SBF2: variants seen among roughly 807,000 people sequenced by gnomAD.
SBF2 encodes SET binding factor 2, also known as myotubularin-related protein 13.
In SBF2, 112 loss-of-function variants were observed where a neutral mutation model predicts 225.2. That is an observed-to-expected ratio of 0.50 (90% CI 0.43 to 0.58). The LOEUF is 0.58. Among genes scored for constraint, SBF2 ranks in the 20% least tolerant of loss-of-function variants. The probability of loss-of-function intolerance (pLI) is 0.00; values close to 1 mark genes in which losing one functional copy is unlikely to be tolerated. For missense variants in SBF2, 1,996 were observed against 2,206.2 expected, an observed-to-expected ratio of 0.90 and a Z score of 1.91; for synonymous variants, 763 against 773.3, an observed-to-expected ratio of 0.99 and a Z score of 0.22.
In SBF2 at chr11:10,075,190, A is replaced by AT. The variant is rs1174223981; in HGVS notation, c.142-32210dup. On this transcript the variant is annotated intron_variant, in intron 2 of 39. Transcript: ENST00000256190. ...GATCTGACTCTTAACTTAGGTTATA[A>AT]TTTTGGTAAATTACCTAATTTCTCT... is the stretch of plus-strand genomic sequence containing the variant. Among the ~76,000 whole-genome samples the AT allele has an allele frequency of 5.9e-5, 9 of 152,350 alleles. No homozygotes were observed. In the East Asian group the frequency reaches 1.7e-3, roughly 29 times the overall value.
At chr11:10,240,470 T>G (rs1959193199) in intron 1 of SBF2, among the ~76,000 whole-genome samples, 1 of 152,152 alleles carries the variant, frequency 6.6e-6, no homozygotes, top group South Asian at 2.1e-4. Context: ...CATCATGGAC[T>G]AAGAAATCAG....
chr11:10,029,104 G>C (rs1170258503), intron 5 of SBF2, among the ~76,000 whole-genome samples: 2 of 152,050 alleles, frequency 1.3e-5, no homozygotes, highest in Non-Finnish European at 2.9e-5. Flanking sequence ...ATTTTTAGAA[G>C]GCTGTCCTCT....
intron 4 of SBF2, 90 bp from the exon 5 acceptor site, chr11:10,029,965 G>T: frequency 1.1e-6 from 1 of 887,536 alleles, no homozygotes. Flanking sequence ...ATTTCTCTTT[G>T]AACCCAGTAA....
At chr11:9,982,317 G>A (rs529594985) in intron 13 of SBF2, among the ~76,000 whole-genome samples, 2 of 152,156 alleles carry the variant, frequency 1.3e-5, no homozygotes, top group Non-Finnish European at 2.9e-5. Context: ...TCTTACAAGA[G>A]ACCCAAATGA....
chr11:10,230,157 G>A (rs761390362), intron 1 of SBF2, among the ~76,000 whole-genome samples: 16 of 151,636 alleles, frequency 1.1e-4, no homozygotes, highest in Middle Eastern at 3.4e-3. Flanking sequence ...TTTGTTTTCC[G>A]TTTGCTTGGT....
chr11:10,225,514 T>G (rs1958505595), intron 1 of SBF2, among the ~76,000 whole-genome samples: 4 of 152,088 alleles, frequency 2.6e-5, no homozygotes, highest in Admixed American at 2.6e-4. Context: ...TCATAGAGGT[T>G]GTATTTGTGC....
At position 9,816,887 on chromosome 11, in the gene SBF2, T is replaced by C. The variant is rs200167746; in HGVS notation, c.3931A>G (p.Lys1311Glu). ...NSSYLQNQLLKRQAALYIFGE... is the reference protein window; with the variant it reads ...NSSYLQNQLLERQAALYIFGE... The stretch of plus-strand genomic sequence containing the variant: ...AATATGTAAAGGGCTGCTTGCCGTT[T>C]CAAGAGCTGGTTTTGTAGGTAGCTG... Residue 1311 changes from lysine to glutamate, a missense_variant, in exon 29 of 40, where the codon AAA becomes GAA. Coordinates refer to ENST00000256190, the MANE Select transcript of SBF2 (RefSeq NM_030962.4). 32 of 1,614,030 alleles carry C rather than the reference T, an allele frequency of 2.0e-5. No individual in the cohort carries two copies. Among genetic ancestry groups the C allele is most frequent in the Non-Finnish European group, 2.5e-5 (30 of 1,180,036 alleles).
chr11:9,994,404 G>A (rs543897316), intron 9 of SBF2, among the ~76,000 whole-genome samples: 17 of 151,394 alleles, frequency 1.1e-4, no homozygotes, highest in Non-Finnish European at 1.5e-4. Context: ...GAACCCGGGA[G>A]GCGGAGCTTG....
At chr11:10,268,009 G>T (rs1962156267) in intron 1 of SBF2, among the ~76,000 whole-genome samples, 1 of 152,090 alleles carries the variant, frequency 6.6e-6, no homozygotes, top group African/African-American at 2.4e-5. Context: ...TGTCTCCAAA[G>T]AAAAACAAGT....
At chr11:9,815,162 G>T (rs551813238) in intron 29 of SBF2, among the ~76,000 whole-genome samples, 1 of 151,894 alleles carries the variant, frequency 6.6e-6, no homozygotes, top group Non-Finnish European at 1.5e-5. Context: ...ATACTTGTCC[G>T]GGTGTAGTGG....
At chr11:9,867,398 G>T (rs1021239154) in intron 17 of SBF2, among the ~76,000 whole-genome samples, 1 of 152,068 alleles carries the variant, frequency 6.6e-6, no homozygotes, top group African/African-American at 2.4e-5. Context: ...AACAGATGCC[G>T]GTAAGGACAC....
At chr11:10,290,015 C>CG (rs1018133041) in intron 1 of SBF2, among the ~76,000 whole-genome samples, 1 of 152,170 alleles carries the variant, frequency 6.6e-6, no homozygotes, top group African/African-American at 2.4e-5. Context: ...CTGACACCAC[C>CG]GCCCGCACCT....
chr11:10,147,222 A>G (rs1338896382), intron 2 of SBF2, among the ~76,000 whole-genome samples: 4 of 152,030 alleles, frequency 2.6e-5, no homozygotes, highest in African/African-American at 4.8e-5. Context: ...TAGTGGGTAT[A>G]TACCCAAAGG....
intron 16 of SBF2, among the ~76,000 whole-genome samples, chr11:9,949,939 T>A (rs1168208945): frequency 2.6e-5 from 4 of 152,168 alleles, no homozygotes; most frequent in Non-Finnish European, 5.9e-5. Flanking sequence ...CCACAATGTA[T>A]ACATACTTCA....
intron 3 of SBF2, among the ~76,000 whole-genome samples, chr11:10,039,791 T>C (rs775950747): frequency 2.6e-5 from 4 of 151,920 alleles, no homozygotes; most frequent in African/African-American, 4.8e-5. Context: ...CTTGTTATGA[T>C]GAAAAGTTAA....
Position 9,845,677 on chromosome 11 carries a change from G to T in SBF2, c.2998C>A (p.Leu1000Met), listed in dbSNP as rs748529255. The change falls in exon 24 of 40, where the codon CTG (leucine) becomes ATG (methionine). Residue 1000 changes from leucine (L) to methionine (M), a missense_variant. Transcript: ENST00000256190. ...PEVVEIFKKQ[L>M]MKFRYPQSIF... ...GACTGAGGATAACGGAACTTCATCAGCTGTTTCTTAAAGATCTCTACTACT... is the reference window on the plus strand; with the variant it reads ...GACTGAGGATAACGGAACTTCATCATCTGTTTCTTAAAGATCTCTACTACT... 1 of 1,613,834 alleles carries T rather than the reference G, an allele frequency of 6.2e-7. No individual in the cohort carries two copies. Among genetic ancestry groups the T allele is most frequent in the South Asian group, 1.1e-5 (1 of 91,080 alleles).
At chr11:10,222,808 T>C (rs1377092709) in intron 1 of SBF2, among the ~76,000 whole-genome samples, 1 of 152,168 alleles carries the variant, frequency 6.6e-6, no homozygotes, top group Non-Finnish European at 1.5e-5. Flanking sequence ...ACCTTGGCGA[T>C]GACCCTGAGC....
At chr11:9,839,032 C>A (rs1268231487) in intron 26 of SBF2, 1 of 199,722 alleles carries the variant, frequency 5.0e-6, no homozygotes, top group African/African-American at 2.4e-5. Context: ...CATGCCTACT[C>A]ATTTCCTTAC....
In SBF2 at chr11:9,993,028, T is replaced by A. The variant is rs1159918919; in HGVS notation, c.1129A>T (p.Ile377Leu). 1.2e-6 allele frequency: 2 copies of A among 1,612,690 alleles called. No homozygotes were observed. The highest frequency in any genetic ancestry group is 1.3e-5 in the African/African-American group (1 of 75,046). The change falls in exon 11 of 40, where the codon ATA becomes TTA. Residue 377 changes from isoleucine (I) to leucine (L), a missense_variant. Physicochemically the swap from Ile to Leu is conservative, Grantham distance 5. Transcript: ENST00000256190. ...FQGYRSCLQL[I>L]RIHAEPVIHF... ...ATTACTGGCTCTGCATGAATTCTTA[T>A]AAGTTGCAGGCAGGATCTATATCCT...
Sources: allele counts gnomAD v4.1 joint callset (sites outside exome capture counted in the v4.1 genomes callset), GRCh38; gene constraint gnomAD v4.1.1; transcripts MANE v1.5; gene names NCBI Gene and HGNC (gene_info 2026-07-23, HGNC 2026-07-21).